CEP76: variants seen among roughly 807,000 people sequenced by gnomAD.
The protein encoded by CEP76 is centrosomal protein of 76 kDa.
A neutral mutation model predicts 83.3 loss-of-function variants in CEP76; 55 were observed. The ratio of observed to expected loss-of-function variants is 0.66; its 90% CI spans 0.53 to 0.83. The LOEUF is 0.83. CEP76 is among the 40% of genes least tolerant of loss of function. The pLI is 0.00. For missense variants in CEP76, 694 were observed against 799.5 expected (o/e 0.87, Z 1.59); for synonymous variants, 270 against 274.5 (o/e 0.98, Z 0.16).
At position 12,678,393 on chromosome 18, in the gene CEP76, G is replaced by C; in HGVS notation, c.1339C>G (p.Pro447Ala). 2 of 1,614,068 alleles carry C rather than the reference G, an allele frequency of 1.2e-6. No homozygotes were observed. Among genetic ancestry groups the C allele is most frequent in the East Asian group, 2.2e-5 (1 of 44,878 alleles). ...NPDEPPVAEQ[P>A]KPLYPYRTIG... Reference sequence around the variant, plus strand: ...GTTCGATATGGGTACAGTGGTTTGGGCTGTTCAGCAACTGGAGGTTCATCA... The same window carrying C: ...GTTCGATATGGGTACAGTGGTTTGGCCTGTTCAGCAACTGGAGGTTCATCA... Residue 447 changes from proline to alanine, a missense_variant, in exon 10 of 12, where the codon CCC (proline) becomes GCC (alanine). Pro to Ala is a conservative substitution (Grantham distance 27, BLOSUM62 -1). Coordinates refer to ENST00000262127, the MANE Select transcript of CEP76 (RefSeq NM_024899.4).
At chr18:12,663,283 A>G (rs1403612118) in intron 12 of CEP76, among the ~76,000 whole-genome samples, 1 of 152,132 alleles carries the variant, frequency 6.6e-6, no homozygotes, top group Non-Finnish European at 1.5e-5. Flanking sequence ...AGGCCCAAAA[A>G]TATATATTCT....
chr18:12,671,642 CTTTTTT>C (rs869130220), downstream of CEP76, among the ~76,000 whole-genome samples: 4 of 55,548 alleles, frequency 7.2e-5, no homozygotes, highest in African/African-American at 1.3e-4. Flanking sequence ...TTCACACTTT[CTTTTTT>C]TTTTTTTTTT....
chr18:12,701,154 GCAGT>G, intron 1 of CEP76, 41 bp from the exon 2 acceptor site: 1 of 1,520,148 alleles, frequency 6.6e-7, no homozygotes, highest in Non-Finnish European at 9.0e-7. Context: ...ACATCACAAA[GCAGT>G]CAAATACTGC....
chr18:12,668,392 G>A (rs924635870), downstream of CEP76, among the ~76,000 whole-genome samples: 18 of 151,728 alleles, frequency 1.2e-4, no homozygotes, highest in African/African-American at 4.4e-4. Flanking sequence ...AGGAGTTTGA[G>A]ACCAGCCTGC....
chr18:12,663,120 T>C (rs546461059), intron 12 of CEP76, among the ~76,000 whole-genome samples: 1 of 152,338 alleles, frequency 6.6e-6, no homozygotes, highest in South Asian at 2.1e-4. Context: ...AAATTACTGC[T>C]AGTTGGCCTG....
intron 7 of CEP76, among the ~76,000 whole-genome samples, chr18:12,690,308 G>A (rs2039705025): frequency 6.6e-6 from 1 of 152,076 alleles, no homozygotes; most frequent in Non-Finnish European, 1.5e-5. Flanking sequence ...GGGTAAAGCT[G>A]GATGAATGTA....
rs145898933 is a variant in CEP76, at chr18:12,676,786, A to C, written c.1623+1323T>G. 6.5e-3 allele frequency among the ~76,000 whole-genome samples: 983 copies of C among 152,278 alleles called. 9 individuals are homozygous for C. The highest frequency in any genetic ancestry group is 0.025 in the South Asian group (119 of 4,826). ...AAATGTATGTTTAAATGCTTTGATA[A>C]GTTGACAAGTGAATAAGAAATATTT... On this transcript the variant is annotated intron_variant, in intron 10 of 11. Transcript: ENST00000262127.
At chr18:12,695,852 C>CACACACA (rs2039935665) in intron 5 of CEP76, among the ~76,000 whole-genome samples, 1 of 148,284 alleles carries the variant, frequency 6.7e-6, no homozygotes, top group African/African-American at 2.5e-5. Context: ...CATTCCTTCT[C>CACACACA]CACACACACA....
chr18:12,688,454 C>T (rs1048347415), intron 7 of CEP76, among the ~76,000 whole-genome samples: 2 of 152,130 alleles, frequency 1.3e-5, no homozygotes, highest in Non-Finnish European at 2.9e-5. Flanking sequence ...AGGACTGTTA[C>T]TCCTATTCTT....
chr18:12,680,931 G>A (rs2039324750), intron 8 of CEP76, 103 bp from the exon 9 acceptor site: 2 of 1,072,514 alleles, frequency 1.9e-6, no homozygotes, highest in Non-Finnish European at 2.6e-6. Context: ...GGGCACAGTG[G>A]CTCACGCCTG....
intron 10 of CEP76, among the ~76,000 whole-genome samples, chr18:12,675,130 C>T (rs1327249362): frequency 1.3e-5 from 2 of 152,160 alleles, no homozygotes; most frequent in Non-Finnish European, 2.9e-5. Context: ...GGTGCGGTGG[C>T]TCACGCCTGT....
chr18:12,692,703 T>A lies in CEP76; in HGVS notation c.805-1216A>T, dbSNP rs1292678964. ...ACTTATTGTTTCTCCTGCACTAGAA[T>A]CTAAACTCCTTGAGAGCAAGCTGTC... On this transcript the variant is annotated intron_variant, in intron 6 of 11. Transcript: ENST00000262127. Among the ~76,000 whole-genome samples, 3 of 152,360 alleles carry A rather than the reference T, an allele frequency of 2.0e-5. No individual in the cohort carries two copies. The South Asian group carries it at 6.2e-4, about 32-fold the overall frequency.
intron 7 of CEP76, among the ~76,000 whole-genome samples, chr18:12,689,951 G>A (rs1419897321): frequency 6.6e-6 from 1 of 152,142 alleles, no homozygotes; most frequent in East Asian, 1.9e-4. Context: ...ACCAAGCCTG[G>A]CTAATTTTTG....
intron 12 of CEP76, among the ~76,000 whole-genome samples, chr18:12,667,247 G>A (rs139848787): frequency 1.3e-5 from 2 of 152,194 alleles, no homozygotes; most frequent in Non-Finnish European, 2.9e-5. Context: ...GATCGCTTGA[G>A]GCCATGAGTT....
intron 7 of CEP76, among the ~76,000 whole-genome samples, chr18:12,688,431 A>G (rs2039626855): frequency 6.6e-6 from 1 of 152,180 alleles, no homozygotes. Context: ...ATCTTTGGTT[A>G]GTATTGAGGT....
At chr18:12,678,009 A>G in intron 10 of CEP76, 100 bp downstream of exon 10, 1 of 859,092 alleles carries the variant, frequency 1.2e-6, no homozygotes, top group Non-Finnish European at 1.8e-6. Flanking sequence ...TGTTTTGTTC[A>G]GGGCTAGAAT....
intron 8 of CEP76, among the ~76,000 whole-genome samples, chr18:12,681,256 ATTTTTTTTT>A (rs34816720): frequency 8.7e-6 from 1 of 115,390 alleles, no homozygotes; most frequent in African/African-American, 3.4e-5. Flanking sequence ...AAAGTAGAAC[ATTTTTTTTT>A]TTTTTTTTTT....
rs1037424736 is a variant in CEP76, at chr18:12,678,184, T to C, written c.1548A>G (p.Ala516=). Residue 516 remains alanine (A), a synonymous_variant, in exon 10 of 12, where the codon GCA becomes GCG. Coordinates refer to ENST00000262127, the MANE Select transcript of CEP76 (RefSeq NM_024899.4). ...TTGTTACTGACGCGTCAATTGTGGATGCACACAGAGGTGGAAAGGGAGGAA... is the reference window on the plus strand; with the variant it reads ...TTGTTACTGACGCGTCAATTGTGGACGCACACAGAGGTGGAAAGGGAGGAA... The part of the protein sequence containing the change: ...TSLPPFPPLC[A]STIDASVTSN... The C allele has an allele frequency of 6.2e-7, 1 of 1,614,084 alleles. No individual in the cohort carries two copies. The highest frequency in any genetic ancestry group is 8.5e-7 in the Non-Finnish European group (1 of 1,180,024).
intron 5 of CEP76, among the ~76,000 whole-genome samples, chr18:12,695,599 T>C (rs750130700): frequency 6.6e-6 from 1 of 152,102 alleles, no homozygotes; most frequent in African/African-American, 2.4e-5. Context: ...TAAGTAGAGA[T>C]GGGGTCTCCC....
Sources: allele counts gnomAD v4.1 joint callset (sites outside exome capture counted in the v4.1 genomes callset), GRCh38; gene constraint gnomAD v4.1.1; transcripts MANE v1.5; gene names NCBI Gene and HGNC (gene_info 2026-07-23, HGNC 2026-07-21).